DCAF6: variants seen among roughly 807,000 people sequenced by gnomAD.
DCAF6 encodes the protein DDB1 and CUL4 associated factor 6, also known as DDB1- and CUL4-associated factor 6.
Under a neutral mutation model 125.1 loss-of-function variants are expected in DCAF6, and 54 were observed. The ratio of observed to expected loss-of-function variants is 0.43; its 90% CI spans 0.35 to 0.54. The LOEUF is 0.54. Among genes scored for constraint, DCAF6 ranks in the 20% least tolerant of loss-of-function variants. DCAF6 has a pLI of 0.01. For missense variants in DCAF6, 934 were observed against 1,161.7 expected (o/e 0.80, Z 2.85); for synonymous variants, 371 against 390.4 (o/e 0.95, Z 0.58).
At chr1:167,903,807 C>G in the DCAF6 span, 3 of 1,025,542 alleles carry the variant, frequency 2.9e-6, no homozygotes, top group African/African-American at 4.7e-5. Context: ...CAATTGTACT[C>G]TATCAGGTTA....
chr1:168,068,429 G>T lies in DCAF6; in HGVS notation c.2757G>T (p.Leu919Phe). The T allele has an allele frequency of 6.4e-7, 1 of 1,560,950 alleles. No individual in the cohort carries two copies. The highest frequency in any genetic ancestry group is 1.2e-5 in the South Asian group (1 of 82,910). ...TTACAGTTCCAGCCTCTTTCATGTT[G>T]AGGATGTTGGCTTCACTTAATCATA... is the stretch of plus-strand genomic sequence containing the variant. ...NTITVPASFM[L>F]RMLASLNHIR... is the part of the protein sequence containing the mutation. The change falls in exon 21 of 22, where the codon TTG becomes TTT. Residue 919 changes from leucine to phenylalanine, a missense_variant. Physicochemically the swap from Leu to Phe is conservative, Grantham distance 22. This residue lies in a region of DCAF6 where 36 missense variants were observed against 39.8 expected (regional missense o/e 0.91). Transcript: ENST00000367840.
chr1:167,879,262 C>T, the DCAF6 span, among the ~76,000 whole-genome samples: 5 of 152,176 alleles, frequency 3.3e-5, no homozygotes, highest in African/African-American at 1.2e-4. Flanking sequence ...ATAATAGTAA[C>T]TCTCTGAGAG....
chr1:168,006,047 T>C (rs1310719637), intron 10 of DCAF6, among the ~76,000 whole-genome samples: 3 of 152,142 alleles, frequency 2.0e-5, no homozygotes, highest in African/African-American at 4.8e-5. Flanking sequence ...CTTGAACATA[T>C]TGATCAATTA....
chr1:168,003,697 T>TA (rs1289544364), intron 8 of DCAF6, among the ~76,000 whole-genome samples, 173 bp from the exon 9 acceptor site: 2 of 152,210 alleles, frequency 1.3e-5, no homozygotes, highest in Non-Finnish European at 2.9e-5. Flanking sequence ...AAACAATTAC[T>TA]ATAAAATGTG....
At chr1:167,880,985 C>A in the DCAF6 span, among the ~76,000 whole-genome samples, 375 of 152,308 alleles carry the variant, frequency 2.5e-3, 1 homozygote, top group Non-Finnish European at 4.6e-3. Flanking sequence ...TCTCTGTCCT[C>A]AAGCCACTTC....
chr1:167,906,612 C>A, the DCAF6 span, among the ~76,000 whole-genome samples: 1 of 135,330 alleles, frequency 7.4e-6, no homozygotes, highest in African/African-American at 2.9e-5. Flanking sequence ...ATAGTGAAAT[C>A]CCATCTCTAC....
intron 5 of DCAF6, among the ~76,000 whole-genome samples, chr1:167,990,212 TA>T (rs1491290772): frequency 6.6e-6 from 1 of 152,030 alleles, no homozygotes. Flanking sequence ...AAATTTTTTT[TA>T]AAAAATTAGC....
At chr1:168,034,115 A>G (rs920789533) in intron 12 of DCAF6, among the ~76,000 whole-genome samples, 1 of 152,264 alleles carries the variant, frequency 6.6e-6, no homozygotes, top group Non-Finnish European at 1.5e-5. Flanking sequence ...AACAACATCA[A>G]CAATTGATAT....
At chr1:167,951,114 C>T (rs1213673555) in intron 1 of DCAF6, among the ~76,000 whole-genome samples, 1 of 152,152 alleles carries the variant, frequency 6.6e-6, no homozygotes, top group East Asian at 1.9e-4. Context: ...TATTGTTTTT[C>T]TCCTCTCATA....
intron 2 of DCAF6, among the ~76,000 whole-genome samples, chr1:167,959,022 C>G (rs1675190518): frequency 6.6e-6 from 1 of 152,216 alleles, no homozygotes; most frequent in African/African-American, 2.4e-5. Flanking sequence ...TAAAAATCTC[C>G]TGTGCTCTGC....
chr1:167,995,105 C>G (rs1681454007), intron 7 of DCAF6, among the ~76,000 whole-genome samples: 1 of 152,122 alleles, frequency 6.6e-6, no homozygotes, highest in Admixed American at 6.5e-5. Context: ...GAAATCTGCT[C>G]TGTCATTTTG....
intron 10 of DCAF6, among the ~76,000 whole-genome samples, chr1:168,011,966 C>G (rs1165504195): frequency 1.3e-5 from 2 of 151,854 alleles, no homozygotes; most frequent in African/African-American, 4.8e-5. Flanking sequence ...GAGTGAGCCT[C>G]TGTCTCAGAA....
At chr1:168,007,669 A>G (rs1212543137) in intron 10 of DCAF6, among the ~76,000 whole-genome samples, 2 of 151,980 alleles carry the variant, frequency 1.3e-5, no homozygotes, top group African/African-American at 2.4e-5. Context: ...ATATTTGCCT[A>G]TTTACTCTTA....
At chr1:167,863,923 G>A in the DCAF6 span, among the ~76,000 whole-genome samples, 42 of 152,078 alleles carry the variant, frequency 2.8e-4, no homozygotes, top group African/African-American at 1.0e-3. Flanking sequence ...TCAGCACTTG[G>A]TTTTGGTTTT....
the DCAF6 span, chr1:167,894,078 A>T: frequency 1.4e-6 from 1 of 693,492 alleles, no homozygotes; most frequent in South Asian, 1.5e-5. Context: ...ACTCTGGGAC[A>T]CCTAGGGGCT....
the DCAF6 span, chr1:167,896,653 A>C: frequency 1.2e-6 from 2 of 1,613,588 alleles, no homozygotes; most frequent in African/African-American, 2.7e-5. Context: ...TGAAAAATTC[A>C]TCAAAATTAA....
intron 7 of DCAF6, among the ~76,000 whole-genome samples, chr1:167,995,650 G>C (rs1681547388): frequency 6.7e-6 from 1 of 149,460 alleles, no homozygotes; most frequent in South Asian, 2.1e-4. Flanking sequence ...TTGCACTCCA[G>C]CCTGGGTGAC....
At chr1:168,075,184 A>G (rs1365618589) in intron 21 of DCAF6, among the ~76,000 whole-genome samples, 187 bp from the exon 22 acceptor site, 1 of 152,216 alleles carries the variant, frequency 6.6e-6, no homozygotes, top group African/African-American at 2.4e-5. Flanking sequence ...TACATGTTTT[A>G]GAATAACATG....
chr1:167,925,373 GT>G, the DCAF6 span, among the ~76,000 whole-genome samples: 1 of 145,758 alleles, frequency 6.9e-6, no homozygotes, highest in Non-Finnish European at 1.5e-5. Flanking sequence ...GTTGGAAGCA[GT>G]TTATACTAAC....
Sources: gnomAD v4.1 joint callset for allele counts (sites outside exome capture counted in the v4.1 genomes callset) on GRCh38, gnomAD v4.1.1 for gene constraint, gnomAD v4.1.1 regional missense constraint, MANE v1.5 for transcripts, NCBI Gene and HGNC (gene_info 2026-07-23, HGNC 2026-07-21) for gene names.